Variants in GNG11 observed in about 807,000 individuals in gnomAD.
GNG11 encodes the protein guanine nucleotide-binding protein G(I)/G(S)/G(O) subunit gamma-11.
A neutral mutation model predicts 7.4 loss-of-function variants in GNG11; 6 were observed. The observed-to-expected ratio is 0.81, with a 90% CI of 0.44 to 1.60. GNG11 has a LOEUF of 1.60. Ranked by LOEUF, GNG11 falls within the 40% of genes most tolerant of loss-of-function variation. GNG11 has a pLI of 0.01. For missense variants in GNG11, 65 were observed against 83.0 expected, an observed-to-expected ratio of 0.78 and a Z score of 0.84; for synonymous variants, 31 against 25.9, an observed-to-expected ratio of 1.20 and a Z score of -0.60.
At position 93,928,313 on chromosome 7, in the gene GNG11, C is replaced by A. The variant is rs1794708586; in HGVS notation, c.*2097C>A. Reference sequence around the variant, plus strand: ...GGTTTTTCCTGAATAAATATCTAATCTTATAGGTGCTTCTATTAAATATAA... The same window carrying A: ...GGTTTTTCCTGAATAAATATCTAATATTATAGGTGCTTCTATTAAATATAA... On this transcript the variant is annotated 3_prime_UTR_variant, in exon 2 of 2. Transcript: ENST00000248564. 6.6e-6 allele frequency: 1 copy of A among 152,132 alleles called. No homozygotes were observed. The highest frequency in any genetic ancestry group is 6.5e-5 in the Admixed American group (1 of 15,272). 9.4% of individuals were successfully genotyped at this position (152,132 alleles called of 1,614,324 possible).
intron 1 of GNG11, among the ~76,000 whole-genome samples, chr7:93,925,086 T>C (rs563800385): frequency 0.023 from 3,509 of 152,054 alleles, 125 homozygotes; most frequent in African/African-American, 0.08. Context: ...ATGGCTAGAA[T>C]CCGGGAGGCG....
chr7:93,924,765 C>G (rs1372345485), intron 1 of GNG11, among the ~76,000 whole-genome samples: 14 of 152,248 alleles, frequency 9.2e-5, no homozygotes, highest in Non-Finnish European at 2.9e-5. Flanking sequence ...TTGGGATACA[C>G]ATGCAAACAT....
intron 1 of GNG11, among the ~76,000 whole-genome samples, chr7:93,923,053 A>G (rs1378289587): frequency 1.3e-5 from 2 of 152,218 alleles, no homozygotes; most frequent in African/African-American, 4.8e-5. Context: ...TTTTAACTCA[A>G]TCAGGCATCC....
rs368997021 is a variant in GNG11 at position 93,928,107 on chromosome 7, C to G, written c.*1891C>G. 5 of 149,276 alleles carry G rather than the reference C, an allele frequency of 3.3e-5. No homozygotes were observed. Among genetic ancestry groups the G allele is most frequent in the African/African-American group, 1.3e-4 (5 of 38,694 alleles). The allele number at this position is 149,276 out of a possible 1,614,324, so 9.2% of individuals were successfully genotyped here. A position where few individuals can be genotyped will look rare whatever the true frequency, so the allele number is the denominator to read the frequency against. On this transcript the variant is annotated 3_prime_UTR_variant, in exon 2 of 2. Coordinates refer to ENST00000248564, the MANE Select transcript of GNG11 (RefSeq NM_004126.4). ...CTGGCAAGGCAGTTTAAATCACCTG[C>G]TTCTTTCATGAAAGGCCAAGACAAT...
In GNG11 at chr7:93,926,248, A is replaced by T; in HGVS notation, c.*32A>T. The T allele has an allele frequency of 6.5e-7, 1 of 1,527,956 alleles. No homozygotes were observed. Among genetic ancestry groups the T allele is most frequent in the Non-Finnish European group, 8.8e-7 (1 of 1,135,220 alleles). The allele number at this position is 1,527,956 out of a possible 1,614,324, so 94.6% of individuals were successfully genotyped here. On this transcript the variant is annotated 3_prime_UTR_variant, in exon 2 of 2. Transcript: ENST00000248564. ...TGGGAGAAACTGCATCCTAAGTGGA[A>T]GAACTAGTTTGTTTTAGTTTTCCCA... is the stretch of plus-strand genomic sequence containing the variant.
rs1026609099 is a variant in GNG11, at chr7:93,928,277, G to A, written c.*2061G>A. The A allele has an allele frequency of 6.6e-6, 1 of 152,032 alleles. No homozygotes were observed. Among genetic ancestry groups the A allele is most frequent in the South Asian group, 2.1e-4 (1 of 4,822 alleles). The allele number at this position is 152,032 out of a possible 1,614,324, so 9.4% of individuals were successfully genotyped here. A position where few individuals can be genotyped will look rare whatever the true frequency, so the allele number is the denominator to read the frequency against. Reference sequence around the variant, plus strand: ...CTTTCAACCATATGATCAATCAGTTGGACGACTTCTGGTTTTTCCTGAATA... The same window carrying A: ...CTTTCAACCATATGATCAATCAGTTAGACGACTTCTGGTTTTTCCTGAATA... On this transcript the variant is annotated 3_prime_UTR_variant, in exon 2 of 2. Transcript: ENST00000248564.
chr7:93,922,146 C>T lies in GNG11; in HGVS notation c.9C>T (p.Ala3=), dbSNP rs1423830724. 2 of 1,590,890 alleles carry T rather than the reference C, an allele frequency of 1.3e-6. No homozygotes were observed. The highest frequency in any genetic ancestry group is 2.3e-5 in the South Asian group (2 of 88,420). Residue 3 remains alanine, a synonymous_variant, in exon 1 of 2, where the codon GCC becomes GCT. Coordinates refer to ENST00000248564, the MANE Select transcript of GNG11 (RefSeq NM_004126.4). ...CCGGTTCTGGGGCGAAAATGCCTGC[C>T]CTTCACATCGAAGATTTGCCAGAGA... MP[A]LHIEDLPEKE...
chr7:93,922,242 G>T lies in GNG11; in HGVS notation c.96+9G>T. 6.6e-7 allele frequency: 1 copy of T among 1,508,108 alleles called. No individual in the cohort carries two copies. Among genetic ancestry groups the T allele is most frequent in the Non-Finnish European group, 9.1e-7 (1 of 1,096,600 alleles). The allele number at this position is 1,508,108 out of a possible 1,614,324, so 93.4% of individuals were successfully genotyped here. On this transcript the variant is annotated intron_variant, in intron 1 of 1. Transcript: ENST00000248564. Reference sequence around the variant, plus strand: ...AGTTGCAGAGACAACAAGTAAGTTGGCTGTTCCGGAATATTTCCTTCTCTG... The same window carrying T: ...AGTTGCAGAGACAACAAGTAAGTTGTCTGTTCCGGAATATTTCCTTCTCTG...
chr7:93,926,449 T>C lies in GNG11; in HGVS notation c.*233T>C. ...ATGTACAATTATGGAAATAAGAACA[T>C]TACTTGAGCATGACACTTCTTTCAG... On this transcript the variant is annotated 3_prime_UTR_variant, in exon 2 of 2. Transcript: ENST00000248564. The C allele has an allele frequency of 7.0e-6, 2 of 286,896 alleles. No individual in the cohort carries two copies. The highest frequency in any genetic ancestry group is 1.3e-5 in the Non-Finnish European group (2 of 155,944). The allele number at this position is 286,896 out of a possible 1,614,324, so 17.8% of individuals were successfully genotyped here. A position where few individuals can be genotyped will look rare whatever the true frequency, so the allele number is the denominator to read the frequency against.
Position 93,926,360 on chromosome 7 carries a change from A to G in GNG11, c.*144A>G. 5.5e-6 allele frequency: 3 copies of G among 546,264 alleles called. No individual in the cohort carries two copies. The highest frequency in any genetic ancestry group is 9.6e-6 in the Non-Finnish European group (3 of 312,528). The allele number at this position is 546,264 out of a possible 1,614,324, so 33.8% of individuals were successfully genotyped here. On this transcript the variant is annotated 3_prime_UTR_variant, in exon 2 of 2. Transcript: ENST00000248564. ...ACCATATAGATAGGGTTATGTATAA[A>G]AGCATATGTGCTACTCATCTTTGCT...
chr7:93,922,324 TTA>T, intron 1 of GNG11, 91 bp downstream of exon 1: 1 of 693,974 alleles, frequency 1.4e-6, no homozygotes. Flanking sequence ...ATAGTTTAGC[TTA>T]TTTTTCCCCC....
chr7:93,927,819 A>T lies in GNG11; in HGVS notation c.*1603A>T, dbSNP rs925756221. 1 of 152,176 alleles carries T rather than the reference A, an allele frequency of 6.6e-6. No individual in the cohort carries two copies. The highest frequency in any genetic ancestry group is 1.5e-5 in the Non-Finnish European group (1 of 68,028). The allele number at this position is 152,176 out of a possible 1,614,324, so 9.4% of individuals were successfully genotyped here. On this transcript the variant is annotated 3_prime_UTR_variant, in exon 2 of 2. Transcript: ENST00000248564. The stretch of plus-strand genomic sequence containing the variant: ...CATCAATTGGCATTACTGAGAGCCC[A>T]GGGATAATTTTAGCCCAAAACTACT...
Position 93,926,607 on chromosome 7 carries a change from G to A in GNG11, c.*391G>A, listed in dbSNP as rs558911237. 17 of 154,300 alleles carry A rather than the reference G, an allele frequency of 1.1e-4. No homozygotes were observed. In the South Asian group the frequency reaches 3.5e-3, roughly 31 times the overall value. 9.6% of individuals were successfully genotyped at this position (154,300 alleles called of 1,614,324 possible). A position where few individuals can be genotyped will look rare whatever the true frequency, so the allele number is the denominator to read the frequency against. On this transcript the variant is annotated 3_prime_UTR_variant, in exon 2 of 2. Transcript: ENST00000248564. ...TTGGGTGTGGAGTATGATTGGGTTT[G>A]GAATATGATTCAGAAGGTTAGGTGG...
At chr7:93,923,467 C>G (rs570096969) in intron 1 of GNG11, among the ~76,000 whole-genome samples, 24 of 152,294 alleles carry the variant, frequency 1.6e-4, no homozygotes, top group African/African-American at 5.8e-4. Context: ...TTACACTACC[C>G]AATCAATAAG....
In GNG11 at chr7:93,924,920, T is replaced by TTGGGAGGCC. The variant is rs1174840287; in HGVS notation, c.97-1170_97-1169insGGGAGGCCT. Among the ~76,000 whole-genome samples the TTGGGAGGCC allele has an allele frequency of 1.7e-4, 26 of 152,336 alleles. No homozygotes were observed. In the East Asian group the frequency reaches 4.8e-3, roughly 28 times the overall value. ...TGTCCCACGCCTGTAATCCCAGCAC[T>TTGGGAGGCC]TTGGGAGGCCAAGGCGGGCGGATCA... On this transcript the variant is annotated intron_variant, in intron 1 of 1. Coordinates refer to ENST00000248564, the MANE Select transcript of GNG11 (RefSeq NM_004126.4).
chr7:93,922,375 C>T, intron 1 of GNG11, 142 bp downstream of exon 1: 1 of 493,376 alleles, frequency 2.0e-6, no homozygotes, highest in Non-Finnish European at 3.7e-6. Flanking sequence ...TTGGCAGTGC[C>T]TGGGGACTGC....
intron 1 of GNG11, among the ~76,000 whole-genome samples, chr7:93,923,688 G>A (rs990225209): frequency 4.0e-5 from 6 of 151,742 alleles, no homozygotes; most frequent in Non-Finnish European, 8.8e-5. Context: ...AAAGACAAGC[G>A]TCTTCTACTT....
In GNG11 at chr7:93,926,712, C is replaced by A. The variant is rs1260898428; in HGVS notation, c.*496C>A. On this transcript the variant is annotated 3_prime_UTR_variant, in exon 2 of 2. Coordinates refer to ENST00000248564, the MANE Select transcript of GNG11 (RefSeq NM_004126.4). ...GACCTCTGGAACGTGTTTGATCTAA[C>A]CTTAACTATTAAGAAACTGAGCAGG... 1.3e-5 allele frequency: 2 copies of A among 152,242 alleles called. No individual in the cohort carries two copies. The highest frequency in any genetic ancestry group is 1.5e-5 in the Non-Finnish European group (1 of 68,114). 9.4% of individuals were successfully genotyped at this position (152,242 alleles called of 1,614,324 possible). A position where few individuals can be genotyped will look rare whatever the true frequency, so the allele number is the denominator to read the frequency against.
At chr7:93,925,526 A>C (rs1794665787) in intron 1 of GNG11, among the ~76,000 whole-genome samples, 1 of 152,204 alleles carries the variant, frequency 6.6e-6, no homozygotes, top group South Asian at 2.1e-4. Context: ...GGACAATTCC[A>C]ATCTTTCCAG....
Sources: allele counts gnomAD v4.1 joint callset (sites outside exome capture counted in the v4.1 genomes callset), GRCh38; gene constraint gnomAD v4.1.1; transcripts MANE v1.5; gene names NCBI Gene and HGNC (gene_info 2026-07-23, HGNC 2026-07-21).